Variants in ALK observed in about 807,000 individuals in gnomAD.
The protein encoded by ALK is ALK tyrosine kinase receptor.
Under a neutral mutation model 163.1 loss-of-function variants are expected in ALK, and 74 were observed. The observed-to-expected ratio is 0.45, with a 90% CI of 0.38 to 0.55. The LOEUF is 0.55. Ranked by LOEUF, ALK falls within the 20% of genes least tolerant of loss-of-function variation. The pLI, the probability that ALK is intolerant of heterozygous loss-of-function variation, is 0.00. For synonymous variants in ALK, 960 were observed against 843.2 expected, an observed-to-expected ratio of 1.14 and a Z score of -2.40; for missense variants, 2,063 against 2,105.3, an observed-to-expected ratio of 0.98 and a Z score of 0.39.
chr2:29,410,525 C>T (rs551310916), intron 4 of ALK, among the ~76,000 whole-genome samples: 13 of 152,276 alleles, frequency 8.5e-5, no homozygotes, highest in East Asian at 7.7e-4. Flanking sequence ...GGCTGTGTCA[C>T]GGGCACGTCC....
chr2:29,773,600 T>C (rs996115300), intron 1 of ALK, among the ~76,000 whole-genome samples: 1 of 152,214 alleles, frequency 6.6e-6, no homozygotes, highest in African/African-American at 2.4e-5. Context: ...TTAAAGATTA[T>C]TGATAACTGA....
intron 5 of ALK, among the ~76,000 whole-genome samples, chr2:29,359,276 C>T (rs1408143571): frequency 6.6e-6 from 1 of 152,174 alleles, no homozygotes; most frequent in Non-Finnish European, 1.5e-5. Context: ...AATGCCCCTC[C>T]CTTGAAGAGG....
At chr2:29,716,536 T>C (rs1255278316) in intron 2 of ALK, among the ~76,000 whole-genome samples, 2 of 152,092 alleles carry the variant, frequency 1.3e-5, no homozygotes, top group African/African-American at 2.4e-5. Context: ...TCTTATACCA[T>C]GTAAAGGCAG....
intron 4 of ALK, among the ~76,000 whole-genome samples, chr2:29,438,853 C>A (rs191484448): frequency 3.3e-5 from 5 of 152,164 alleles, no homozygotes; most frequent in African/African-American, 9.7e-5. Context: ...TATCCCCCAG[C>A]GCTCCTACTG....
At chr2:29,744,335 G>C (rs1680148374) in intron 1 of ALK, among the ~76,000 whole-genome samples, 1 of 152,234 alleles carries the variant, frequency 6.6e-6, no homozygotes, top group Admixed American at 6.5e-5. Flanking sequence ...GTTGGAGAAA[G>C]ACAAAGAAGT....
At chr2:29,876,484 G>T (rs1666714715) in intron 1 of ALK, among the ~76,000 whole-genome samples, 1 of 150,346 alleles carries the variant, frequency 6.7e-6, no homozygotes, top group Non-Finnish European at 1.5e-5. Context: ...GGTGGTGATG[G>T]TGATGGTAGT....
chr2:29,272,792 T>C lies in ALK; in HGVS notation c.2041+2307A>G, dbSNP rs114600178. Among the ~76,000 whole-genome samples the C allele has an allele frequency of 6.6e-3, 1,003 of 152,328 alleles. 6 individuals carry two copies. Among genetic ancestry groups the C allele is most frequent in the African/African-American group, 0.023 (969 of 41,578 alleles). On this transcript the variant is annotated intron_variant, in intron 11 of 28. Coordinates refer to ENST00000389048, the MANE Select transcript of ALK (RefSeq NM_004304.5). ...CCTCTTGGCTGGAACTCTTCCCTGC[T>C]CTTTTCCATTTTTAGTGTTTATCTC...
intron 5 of ALK, among the ~76,000 whole-genome samples, chr2:29,378,734 T>C (rs913766623): frequency 4.6e-5 from 7 of 151,804 alleles, no homozygotes; most frequent in African/African-American, 1.5e-4. Flanking sequence ...CTCTTTCTTT[T>C]TGACAGAGTC....
rs573401021 is a variant in ALK, at chr2:29,858,400, G to C, written c.667+61593C>G. ...ACAAAAGTGGAACCACCCCCCTCTC[G>C]CACAGCATCTCCTATGCTCTGACAG... On this transcript the variant is annotated intron_variant, in intron 1 of 28. Coordinates refer to ENST00000389048, the MANE Select transcript of ALK (RefSeq NM_004304.5). Among the ~76,000 whole-genome samples the C allele has an allele frequency of 2.1e-4, 32 of 152,028 alleles. 1 individual carries two copies. The highest frequency in any genetic ancestry group is 6.8e-4 in the African/African-American group (28 of 41,430).
intron 11 of ALK, among the ~76,000 whole-genome samples, chr2:29,265,059 A>G (rs549419284): frequency 8.3e-4 from 126 of 152,046 alleles, no homozygotes; most frequent in African/African-American, 2.8e-3. Context: ...TTGCCCTGTC[A>G]CCCAGGCTGG....
intron 1 of ALK, among the ~76,000 whole-genome samples, chr2:29,764,742 T>G (rs910141405): frequency 2.0e-5 from 3 of 152,214 alleles, no homozygotes; most frequent in Non-Finnish European, 4.4e-5. Context: ...GGATTTAAAT[T>G]TAAGGTTGCT....
chr2:29,806,496 G>A (rs1457949118), intron 1 of ALK, among the ~76,000 whole-genome samples: 1 of 152,204 alleles, frequency 6.6e-6, no homozygotes, highest in African/African-American at 2.4e-5. Flanking sequence ...GCCAGCTGAT[G>A]TGGGCAAACA....
intron 5 of ALK, among the ~76,000 whole-genome samples, chr2:29,334,477 C>G (rs992975476): frequency 6.6e-6 from 1 of 152,194 alleles, no homozygotes; most frequent in African/African-American, 2.4e-5. Flanking sequence ...ATCCCTTGTT[C>G]TCTATTCTTT....
At chr2:29,615,004 A>G (rs895457003) in intron 3 of ALK, among the ~76,000 whole-genome samples, 1 of 152,126 alleles carries the variant, frequency 6.6e-6, no homozygotes, top group Non-Finnish European at 1.5e-5. Context: ...ATTTTTTAAG[A>G]GACAGAGTCT....
intron 4 of ALK, among the ~76,000 whole-genome samples, chr2:29,427,372 G>A (rs1670169207): frequency 6.6e-6 from 1 of 152,060 alleles, no homozygotes; most frequent in South Asian, 2.1e-4. Flanking sequence ...TTTATAACAT[G>A]TATAGTTGTA....
intron 4 of ALK, among the ~76,000 whole-genome samples, chr2:29,392,653 G>A (rs763684791): frequency 2.0e-5 from 3 of 152,172 alleles, no homozygotes; most frequent in African/African-American, 7.2e-5. Context: ...GGTAGGAGAC[G>A]AAGAGTCTAC....
rs113994727 is a variant in ALK, at chr2:29,796,296, C to T, written c.668-78599G>A. 2.6e-3 allele frequency among the ~76,000 whole-genome samples: 398 copies of T among 152,162 alleles called. 4 individuals carry two copies. Among genetic ancestry groups the T allele is most frequent in the African/African-American group, 7.7e-3 (319 of 41,510 alleles). On this transcript the variant is annotated intron_variant, in intron 1 of 28. Transcript: ENST00000389048. ...GGTGAGTGACGATCAGCAAAACTTA[C>T]GAAAAATACAGCACGGATTTCCTCC...
intron 1 of ALK, among the ~76,000 whole-genome samples, chr2:29,754,665 G>A (rs1419242515): frequency 6.6e-6 from 1 of 151,834 alleles, no homozygotes; most frequent in East Asian, 1.9e-4. Context: ...ACTCCAGCCT[G>A]GGTGACAGAG....
At chr2:29,458,283 T>C (rs1006504815) in intron 4 of ALK, among the ~76,000 whole-genome samples, 3 of 152,146 alleles carry the variant, frequency 2.0e-5, no homozygotes, top group African/African-American at 7.2e-5. Context: ...TAATCATCCA[T>C]AACTTGATTA....
Sources: allele counts gnomAD v4.1 joint callset (sites outside exome capture counted in the v4.1 genomes callset), GRCh38; gene constraint gnomAD v4.1.1; transcripts MANE v1.5; gene names NCBI Gene and HGNC (gene_info 2026-07-23, HGNC 2026-07-21).